The following FGF2 variants were observed in gnomAD, a reference collection of about 807,000 sequenced individuals.
FGF2 encodes fibroblast growth factor 2.
FGF2 carries 13 observed loss-of-function variants against 15.9 expected under a neutral mutation model. The ratio of observed to expected loss-of-function variants is 0.82; its 90% CI spans 0.53 to 1.30. FGF2 has a LOEUF of 1.30. Ranked by LOEUF, FGF2 falls within the 50% of genes most tolerant of loss-of-function variation. The pLI, the probability that FGF2 is intolerant of heterozygous loss-of-function variation, is 0.00. For missense variants in FGF2, 163 were observed against 196.9 expected, an observed-to-expected ratio of 0.83 and a Z score of 1.03; for synonymous variants, 90 against 78.4, an observed-to-expected ratio of 1.15 and a Z score of -0.78.
At chr4:122,835,092 G>A (rs964010191) in intron 1 of FGF2, among the ~76,000 whole-genome samples, 3 of 152,132 alleles carry the variant, frequency 2.0e-5, no homozygotes, top group African/African-American at 7.2e-5. Flanking sequence ...TTATCAGTAA[G>A]CACCCATTGC....
chr4:122,858,901 A>C (rs1048761064), intron 1 of FGF2, among the ~76,000 whole-genome samples: 1 of 151,946 alleles, frequency 6.6e-6, no homozygotes, highest in African/African-American at 2.4e-5. Context: ...ATTTTTGGAC[A>C]CCAAAACATA....
Position 122,897,833 on chromosome 4 carries a change from C to A in FGF2, c.*5437C>A. 1 of 603,304 alleles carries A rather than the reference C, an allele frequency of 1.7e-6. No homozygotes were observed. Among genetic ancestry groups the A allele is most frequent in the Non-Finnish European group, 3.0e-6 (1 of 334,478 alleles). The allele number at this position is 603,304 out of a possible 1,614,324, so 37.4% of individuals were successfully genotyped here. A position where few individuals can be genotyped will look rare whatever the true frequency, so the allele number is the denominator to read the frequency against. ...TTTTTCTAGCTTCCATCCTTTCTCCCTCGTTTCTTCTTTTTTTGGGGGAGC... is the reference window on the plus strand; with the variant it reads ...TTTTTCTAGCTTCCATCCTTTCTCCATCGTTTCTTCTTTTTTTGGGGGAGC... On this transcript the variant is annotated 3_prime_UTR_variant, in exon 3 of 3. Coordinates refer to ENST00000644866, the MANE Select transcript of FGF2 (RefSeq NM_001361665.2).
At chr4:122,887,621 C>G (rs930713776) in intron 2 of FGF2, among the ~76,000 whole-genome samples, 2 of 152,208 alleles carry the variant, frequency 1.3e-5, no homozygotes, top group Non-Finnish European at 1.5e-5. Context: ...AGAGTCTGCT[C>G]TATTCAAATA....
intron 1 of FGF2, among the ~76,000 whole-genome samples, chr4:122,862,232 A>G (rs12644427): frequency 0.17 from 25,423 of 152,182 alleles, 2,571 homozygotes; most frequent in East Asian, 0.46. Flanking sequence ...TCTGTTTCCA[A>G]AAACCATATT....
intron 1 of FGF2, among the ~76,000 whole-genome samples, chr4:122,862,293 A>G (rs961612067): frequency 6.6e-6 from 1 of 152,234 alleles, no homozygotes; most frequent in African/African-American, 2.4e-5. Context: ...ATTTCTAAAT[A>G]GGGAAGGTGT....
chr4:122,858,245 A>T lies in FGF2; in HGVS notation c.179-18076A>T, dbSNP rs929365193. Among the ~76,000 whole-genome samples, 5 of 152,152 alleles carry T rather than the reference A, an allele frequency of 3.3e-5. No homozygotes were observed. The South Asian group carries it at 6.2e-4, about 19-fold the overall frequency. ...GCAAAATAAAATAGTAAAAAAAGAA[A>T]GTTTACTGAGAGGGGCAATATGAAA... On this transcript the variant is annotated intron_variant, in intron 1 of 2. Coordinates refer to ENST00000644866, the MANE Select transcript of FGF2 (RefSeq NM_001361665.2).
At chr4:122,828,916 G>A (rs557350962) in intron 1 of FGF2, among the ~76,000 whole-genome samples, 11 of 152,318 alleles carry the variant, frequency 7.2e-5, no homozygotes, top group Non-Finnish European at 1.3e-4. Context: ...ACAAGGGCAA[G>A]GTGCTGTGTG....
chr4:122,834,921 T>C (rs192435376), intron 1 of FGF2, among the ~76,000 whole-genome samples: 3 of 152,314 alleles, frequency 2.0e-5, no homozygotes, highest in Admixed American at 2.0e-4. Context: ...AACACCACTA[T>C]TGTAGATTGG....
At position 122,895,045 on chromosome 4, in the gene FGF2, T is replaced by C. The variant is rs1304376220; in HGVS notation, c.*2649T>C. 6.6e-6 allele frequency: 1 copy of C among 152,188 alleles called. No homozygotes were observed. The allele number at this position is 152,188 out of a possible 1,614,324, so 9.4% of individuals were successfully genotyped here. A position where few individuals can be genotyped will look rare whatever the true frequency, so the allele number is the denominator to read the frequency against. ...TGACTGAAAATCAGCACTGCCTGAG[T>C]AGTTTTGATCAGTTTAACTTGAATC... On this transcript the variant is annotated 3_prime_UTR_variant, in exon 3 of 3. Transcript: ENST00000644866.
At chr4:122,880,245 CTTTTTTT>C (rs569559456) in intron 2 of FGF2, among the ~76,000 whole-genome samples, 1 of 128,698 alleles carries the variant, frequency 7.8e-6, no homozygotes, top group African/African-American at 3.0e-5. Flanking sequence ...GCAGTCAAAT[CTTTTTTT>C]TTTTTTTTTT....
chr4:122,850,821 C>G (rs1033604038), intron 1 of FGF2, among the ~76,000 whole-genome samples: 1 of 152,090 alleles, frequency 6.6e-6, no homozygotes, highest in African/African-American at 2.4e-5. Flanking sequence ...GAAACACATT[C>G]AATAGTTGTG....
At chr4:122,841,426 G>A (rs775490655) in intron 1 of FGF2, among the ~76,000 whole-genome samples, 10 of 152,140 alleles carry the variant, frequency 6.6e-5, no homozygotes, top group Non-Finnish European at 1.2e-4. Flanking sequence ...CTAATTTCCT[G>A]ACACTTGATG....
intron 1 of FGF2, among the ~76,000 whole-genome samples, chr4:122,868,909 ATGT>A (rs1351208715): frequency 3.3e-5 from 5 of 152,120 alleles, no homozygotes; most frequent in African/African-American, 1.2e-4. Flanking sequence ...GGCCATGTAA[ATGT>A]TGTCTTTTGA....
At chr4:122,874,101 G>A (rs572459842) in intron 1 of FGF2, among the ~76,000 whole-genome samples, 11 of 152,304 alleles carry the variant, frequency 7.2e-5, no homozygotes, top group Admixed American at 2.0e-4. Flanking sequence ...AAAGTATAGC[G>A]ATTGATTATT....
chr4:122,892,261 C>CATTG lies in FGF2; in HGVS notation c.333_334insATTG (p.Tyr112IlefsTer24), dbSNP rs1560761027. 8 of 1,613,720 alleles carry CATTG rather than the reference C, an allele frequency of 5.0e-6. No individual in the cohort carries two copies. Among genetic ancestry groups the CATTG allele is most frequent in the Admixed American group, 3.3e-5 (2 of 60,016 alleles). On this transcript the variant is annotated frameshift_variant, in exon 3 of 3. Transcript: ENST00000644866. LOFTEE classifies it high-confidence loss of function. Reference sequence around the variant, plus strand: ...TTTTTGAACGATTGGAATCTAATAACTACAATACTTACCGGTCAAGGAAAT... The same window carrying CATTG: ...TTTTTGAACGATTGGAATCTAATAACATTGTACAATACTTACCGGTCAAGGAAAT...
intron 1 of FGF2, among the ~76,000 whole-genome samples, chr4:122,871,209 T>C (rs45458395): frequency 0.014 from 2,160 of 152,318 alleles, 54 homozygotes; most frequent in African/African-American, 0.049. Context: ...TCAGTTCTTT[T>C]GCATTTGCTG....
At position 122,897,455 on chromosome 4, in the gene FGF2, G is replaced by A. The variant is rs1255834344; in HGVS notation, c.*5059G>A. 1.6e-6 allele frequency: 1 copy of A among 633,680 alleles called. No homozygotes were observed. 39.3% of individuals were successfully genotyped at this position (633,680 alleles called of 1,614,324 possible). A position where few individuals can be genotyped will look rare whatever the true frequency, so the allele number is the denominator to read the frequency against. ...ACTAATGGAATAAACTGTAATATTA[G>A]AAATTATGCTGCTAATTATATCAGC... On this transcript the variant is annotated 3_prime_UTR_variant, in exon 3 of 3. Transcript: ENST00000644866.
intron 1 of FGF2, among the ~76,000 whole-genome samples, chr4:122,860,272 T>C (rs1023944778): frequency 1.3e-5 from 2 of 152,120 alleles, no homozygotes; most frequent in African/African-American, 4.8e-5. Context: ...ATAAACCGAA[T>C]TTTTATATAT....
intron 1 of FGF2, among the ~76,000 whole-genome samples, chr4:122,838,677 T>A (rs1179831646): frequency 6.6e-6 from 1 of 152,228 alleles, no homozygotes; most frequent in African/African-American, 2.4e-5. Context: ...CTTTGCCATG[T>A]CCAGCAAAGT....
Sources: gnomAD v4.1 joint callset for allele counts (sites outside exome capture counted in the v4.1 genomes callset) on GRCh38, gnomAD v4.1.1 for gene constraint, MANE v1.5 for transcripts, NCBI Gene and HGNC (gene_info 2026-07-23, HGNC 2026-07-21) for gene names.